Variants in AMBRA1 observed in about 807,000 individuals in gnomAD.
The protein encoded by AMBRA1 is autophagy and beclin 1 regulator 1.
A neutral mutation model predicts 125.4 loss-of-function variants in AMBRA1; 47 were observed. The observed-to-expected ratio is 0.37, with a 90% CI of 0.30 to 0.48. AMBRA1 has a LOEUF of 0.48. AMBRA1 is among the 20% of genes least tolerant of loss of function. The probability of loss-of-function intolerance (pLI) is 0.99; values close to 1 mark genes in which losing one functional copy is unlikely to be tolerated. For synonymous variants in AMBRA1, 626 were observed against 655.5 expected (o/e 0.95, Z 0.69); for missense variants, 1,331 against 1,693.4 (o/e 0.79, Z 3.76).
chr11:46,476,912 G>A (rs1358211908), intron 11 of AMBRA1, among the ~76,000 whole-genome samples: 1 of 152,042 alleles, frequency 6.6e-6, no homozygotes, highest in Non-Finnish European at 1.5e-5. Flanking sequence ...TTCGAAACCA[G>A]CCTGGTCAAG....
intron 7 of AMBRA1, among the ~76,000 whole-genome samples, chr11:46,525,918 G>A (rs569927662): frequency 1.3e-4 from 20 of 151,928 alleles, no homozygotes; most frequent in African/African-American, 4.6e-4. Context: ...TCTCAAAAAA[G>A]AAATAGGCTA....
Position 46,469,349 on chromosome 11 carries a change from G to C in AMBRA1, c.2521+24259C>G, listed in dbSNP as rs528948279. On this transcript the variant is annotated intron_variant, in intron 11 of 17. Coordinates refer to ENST00000683756, the MANE Select transcript of AMBRA1 (RefSeq NM_001387011.1). ...TTTCTCTGAATGTTTTAGAAACAGA[G>C]TACCTTGGGAATGATAGTAAGGAGT... Among the ~76,000 whole-genome samples, 31 of 152,020 alleles carry C rather than the reference G, an allele frequency of 2.0e-4. 1 individual carries two copies. The South Asian group carries it at 6.0e-3, about 29-fold the overall frequency.
chr11:46,477,683 C>T (rs760001622), intron 11 of AMBRA1, among the ~76,000 whole-genome samples: 3 of 151,878 alleles, frequency 2.0e-5, no homozygotes, highest in Non-Finnish European at 2.9e-5. Context: ...ATTTTGAATG[C>T]ACATGCCTAG....
At chr11:46,489,116 G>A (rs2136944794) in intron 11 of AMBRA1, among the ~76,000 whole-genome samples, 1 of 152,128 alleles carries the variant, frequency 6.6e-6, no homozygotes, top group Non-Finnish European at 1.5e-5. Flanking sequence ...TGCACAACGT[G>A]CAGGTTTGTT....
intron 1 of AMBRA1, among the ~76,000 whole-genome samples, chr11:46,565,710 A>G (rs1390541746): frequency 6.6e-6 from 1 of 152,164 alleles, no homozygotes; most frequent in Admixed American, 6.6e-5. Flanking sequence ...TGTCTCAAAA[A>G]AAAACGTGTA....
chr11:46,510,359 G>A (rs188105279), intron 8 of AMBRA1, among the ~76,000 whole-genome samples: 3 of 152,260 alleles, frequency 2.0e-5, no homozygotes, highest in African/African-American at 4.8e-5. Flanking sequence ...GTCGATGTTC[G>A]TGCACTGTTC....
At chr11:46,544,385 A>T (rs1206364232) in intron 5 of AMBRA1, among the ~76,000 whole-genome samples, 1 of 152,204 alleles carries the variant, frequency 6.6e-6, no homozygotes, top group Non-Finnish European at 1.5e-5. Context: ...CCACAGAATC[A>T]GTTCTTCCCT....
chr11:46,573,678 T>A (rs1180572226), intron 1 of AMBRA1, among the ~76,000 whole-genome samples: 2 of 149,950 alleles, frequency 1.3e-5, no homozygotes, highest in African/African-American at 2.4e-5. Context: ...TTTTTTTTTT[T>A]ATTATACTTT....
At chr11:46,436,448 G>C (rs555662076) in intron 12 of AMBRA1, among the ~76,000 whole-genome samples, 7 of 152,318 alleles carry the variant, frequency 4.6e-5, no homozygotes, top group Admixed American at 2.0e-4. Context: ...AAACCGAAGA[G>C]GGACCACAAG....
chr11:46,511,163 G>A (rs1054955779), intron 8 of AMBRA1, among the ~76,000 whole-genome samples: 1 of 152,164 alleles, frequency 6.6e-6, no homozygotes, highest in African/African-American at 2.4e-5. Context: ...GGGATGAGAT[G>A]CCTATTGCTG....
In AMBRA1 at chr11:46,434,945, G is replaced by C; in HGVS notation, c.2725C>G (p.Pro909Ala). The change falls in exon 13 of 18, where the codon CCC (proline) becomes GCC (alanine). Residue 909 changes from proline (P) to alanine (A), a missense_variant. Around this residue, in one of 4 missense-constraint regions of AMBRA1, gnomAD observed 354 missense variants for 532.7 expected, o/e 0.66. Transcript: ENST00000683756. Reference sequence around the variant, plus strand: ...TCAGGAAAGCCCCTCTGGCTGCTGGGGATGAAAGCTGCCAGGAGCTGGCCA... The same window carrying C: ...TCAGGAAAGCCCCTCTGGCTGCTGGCGATGAAAGCTGCCAGGAGCTGGCCA... ...ADGQLLAAFI[P>A]SSQRGFPDEG... 1.2e-6 allele frequency: 2 copies of C among 1,614,014 alleles called. No individual in the cohort carries two copies. The highest frequency in any genetic ancestry group is 1.3e-5 in the African/African-American group (1 of 75,062).
At chr11:46,536,296 TAAAC>T (rs1475511533) in intron 7 of AMBRA1, among the ~76,000 whole-genome samples, 1 of 152,070 alleles carries the variant, frequency 6.6e-6, no homozygotes, top group African/African-American at 2.4e-5. Context: ...GACGGAAAGG[TAAAC>T]AAATAATTTT....
At chr11:46,585,009 T>C (rs1344835412) in intron 1 of AMBRA1, among the ~76,000 whole-genome samples, 1 of 151,786 alleles carries the variant, frequency 6.6e-6, no homozygotes, top group Non-Finnish European at 1.5e-5. Context: ...GAGGTAGAGG[T>C]TGCTGAGATC....
chr11:46,507,308 T>C (rs1404599832), intron 9 of AMBRA1, among the ~76,000 whole-genome samples: 1 of 146,018 alleles, frequency 6.8e-6, no homozygotes, highest in Non-Finnish European at 1.5e-5. Context: ...TGAAACCCCA[T>C]CTCTACTAAA....
chr11:46,477,938 T>C (rs1388892206), intron 11 of AMBRA1, among the ~76,000 whole-genome samples: 1 of 151,686 alleles, frequency 6.6e-6, no homozygotes, highest in African/African-American at 2.4e-5. Context: ...TAGCCAGAGC[T>C]AATTTTTGTA....
At position 46,546,962 on chromosome 11, in the gene AMBRA1, T is replaced by C. The variant is rs1953050025; in HGVS notation, c.378+151A>G. 16 of 676,698 alleles carry C rather than the reference T, an allele frequency of 2.4e-5. 1 individual carries two copies. In the South Asian group the frequency reaches 2.6e-4, roughly 11 times the overall value. 41.9% of individuals were successfully genotyped at this position (676,698 alleles called of 1,614,324 possible). On this transcript the variant is annotated intron_variant, in intron 4 of 17. Transcript: ENST00000683756. ...GGCACATGCCTGTAATCCCAGCTAC[T>C]TGGGAGGCTGAAGCAGAAGTATCAC...
At chr11:46,512,973 A>T (rs1460026158) in intron 7 of AMBRA1, among the ~76,000 whole-genome samples, 160 bp from the exon 8 acceptor site, 1 of 152,216 alleles carries the variant, frequency 6.6e-6, no homozygotes, top group East Asian at 1.9e-4. Context: ...GTAGGTAGAG[A>T]CACAAATAAA....
chr11:46,566,103 T>G (rs868791431), intron 1 of AMBRA1, among the ~76,000 whole-genome samples: 3 of 152,012 alleles, frequency 2.0e-5, no homozygotes, highest in African/African-American at 7.3e-5. Flanking sequence ...ATCCAAACCA[T>G]GAAATACTGT....
At chr11:46,565,131 C>T (rs2043475886) in intron 1 of AMBRA1, among the ~76,000 whole-genome samples, 1 of 151,866 alleles carries the variant, frequency 6.6e-6, no homozygotes, top group East Asian at 1.9e-4. Context: ...GTGGCATTCG[C>T]CTGTAGTTCC....
Sources: allele counts gnomAD v4.1 joint callset (sites outside exome capture counted in the v4.1 genomes callset), GRCh38; gene constraint gnomAD v4.1.1; regional missense constraint gnomAD v4.1.1; transcripts MANE v1.5; gene names NCBI Gene and HGNC (gene_info 2026-07-23, HGNC 2026-07-21).